The following KCNAB2 variants were observed in gnomAD, a reference collection of about 807,000 sequenced individuals.
The protein encoded by KCNAB2 is potassium voltage-gated channel subfamily A regulatory beta subunit 2.
Under a neutral mutation model 63.6 loss-of-function variants are expected in KCNAB2, and 29 were observed. The observed-to-expected ratio is 0.46, with a 90% confidence interval of 0.34 to 0.62. The LOEUF is 0.62. KCNAB2 is among the 20% of genes least tolerant of loss of function. The pLI is 0.01. For missense variants in KCNAB2, 359 were observed against 563.9 expected, an observed-to-expected ratio of 0.64 and a Z score of 3.68; for synonymous variants, 222 against 224.2, an observed-to-expected ratio of 0.99 and a Z score of 0.09.
chr1:6,004,126 A>G (rs997146313), intron 1 of KCNAB2, among the ~76,000 whole-genome samples: 2 of 152,214 alleles, frequency 1.3e-5, no homozygotes, highest in African/African-American at 2.4e-5. Context: ...GAGCAGAAGC[A>G]GGGCTGGGGC....
intron 1 of KCNAB2, among the ~76,000 whole-genome samples, chr1:6,019,845 T>C (rs935267092): frequency 3.3e-5 from 5 of 152,222 alleles, no homozygotes; most frequent in Admixed American, 3.3e-4. Flanking sequence ...GGGTGAGCTA[T>C]GGCAGGTGTC....
rs1480476608 is a variant in KCNAB2, at chr1:6,099,950, A to G, written c.*1376A>G. 25 of 1,550,220 alleles carry G rather than the reference A, an allele frequency of 1.6e-5. No homozygotes were observed. Among genetic ancestry groups the G allele is most frequent in the Non-Finnish European group, 2.2e-5 (25 of 1,146,880 alleles). On this transcript the variant is annotated 3_prime_UTR_variant, in exon 16 of 16. Coordinates refer to ENST00000378083, the MANE Select transcript of KCNAB2 (RefSeq NM_001199862.2). ...ACAGGCCCAGGCCTGTGTCCCAAGCAGTACCCAGGCTTTGCAGACCACGCG... is the reference window on the plus strand; with the variant it reads ...ACAGGCCCAGGCCTGTGTCCCAAGCGGTACCCAGGCTTTGCAGACCACGCG...
chr1:6,048,306 T>C (rs1013822350), intron 1 of KCNAB2, among the ~76,000 whole-genome samples: 8 of 152,198 alleles, frequency 5.3e-5, no homozygotes, highest in Admixed American at 2.0e-4. Flanking sequence ...TGGTGTCTTA[T>C]CCCACGCCCC....
chr1:6,017,800 A>C (rs1658598745), intron 1 of KCNAB2, among the ~76,000 whole-genome samples: 1 of 151,996 alleles, frequency 6.6e-6, no homozygotes, highest in African/African-American at 2.4e-5. Context: ...AAAAAAAAAA[A>C]AAACTTGGCC....
upstream of KCNAB2, among the ~76,000 whole-genome samples, chr1:6,031,416 A>G (rs1659616168): frequency 6.6e-6 from 1 of 152,198 alleles, no homozygotes; most frequent in Non-Finnish European, 1.5e-5. The surrounding 1 kb of genome is among the most constrained non-coding windows in gnomAD (Gnocchi z 4.1). Context: ...TCCAACAGAG[A>G]AATTGTGGTC....
intron 1 of KCNAB2, chr1:6,026,239 A>G (rs2100356003): frequency 6.6e-6 from 1 of 152,364 alleles, no homozygotes; most frequent in African/African-American, 2.4e-5. Context: ...CTGAGAGCAA[A>G]GGCCACGCCC....
At chr1:6,012,266 G>A (rs530651084) in intron 1 of KCNAB2, among the ~76,000 whole-genome samples, 1 of 143,162 alleles carries the variant, frequency 7.0e-6, no homozygotes, top group African/African-American at 2.6e-5. Flanking sequence ...GGGTGGAGGT[G>A]GAGATGGAGG....
rs1019946243 is a variant in KCNAB2 at position 6,097,562 on chromosome 1, ATG to A, written c.1158+211_1158+212del. The A allele has an allele frequency of 1.1e-5, 10 of 912,006 alleles. No individual in the cohort carries two copies. In the African/African-American group the frequency reaches 1.6e-4, roughly 15 times the overall value. The allele number at this position is 912,006 out of a possible 1,614,324, so 56.5% of individuals were successfully genotyped here. A position where few individuals can be genotyped will look rare whatever the true frequency, so the allele number is the denominator to read the frequency against. On this transcript the variant is annotated intron_variant, in intron 15 of 15. Transcript: ENST00000378083. Reference sequence around the variant, plus strand: ...AACTGCACGAAACAAGGAGGTTAGAATGTGTGTCAGGGTGGACGAGCGCTGTA... The same window carrying A: ...AACTGCACGAAACAAGGAGGTTAGAATGTGTCAGGGTGGACGAGCGCTGTA...
At chr1:5,998,661 C>T (rs1043958098) in intron 1 of KCNAB2, among the ~76,000 whole-genome samples, 2 of 152,212 alleles carry the variant, frequency 1.3e-5, no homozygotes, top group African/African-American at 4.8e-5. Flanking sequence ...CAGGTATCTG[C>T]TGCATCCGGT....
chr1:6,096,769 T>C lies in KCNAB2; in HGVS notation c.1069+13T>C. ...CAGCTGGCCATAGGTAACGGTGGGGTCGCCATGGGGCCAGTGCCCCTGGGG... is the reference window on the plus strand; with the variant it reads ...CAGCTGGCCATAGGTAACGGTGGGGCCGCCATGGGGCCAGTGCCCCTGGGG... On this transcript the variant is annotated intron_variant, in intron 14 of 15. Coordinates refer to ENST00000378083, the MANE Select transcript of KCNAB2 (RefSeq NM_001199862.2). The surrounding 1 kb of genome is among the most constrained non-coding windows in gnomAD (Gnocchi z 5.9). The C allele has an allele frequency of 6.4e-7, 1 of 1,560,744 alleles. No individual in the cohort carries two copies. Among genetic ancestry groups the C allele is most frequent in the South Asian group, 1.2e-5 (1 of 85,272 alleles).
Position 6,096,170 on chromosome 1 carries a change from G to A in KCNAB2, c.949-466G>A, listed in dbSNP as rs770632598. 2.2e-6 allele frequency: 1 copy of A among 457,682 alleles called. No homozygotes were observed. Among genetic ancestry groups the A allele is most frequent in the South Asian group, 1.5e-5 (1 of 64,558 alleles). 28.4% of individuals were successfully genotyped at this position (457,682 alleles called of 1,614,324 possible). A position where few individuals can be genotyped will look rare whatever the true frequency, so the allele number is the denominator to read the frequency against. ...ACAGCCCTGGGTTCCAGGGCAACGT[G>A]GCCTGGCCCCCGACTCCTCCCATCC... On this transcript the variant is annotated intron_variant, in intron 13 of 15. Transcript: ENST00000378083. The surrounding 1 kb of genome is among the most constrained non-coding windows in gnomAD (Gnocchi z 5.9).
chr1:6,100,816 A>G lies in KCNAB2; in HGVS notation c.*2242A>G, dbSNP rs1056860. ...GGGCCAGGTCCCCCCTCTCGGGAGG[A>G]GGTATTGGGTAGGACCATCCAAGAA... On this transcript the variant is annotated 3_prime_UTR_variant, in exon 16 of 16. Coordinates refer to ENST00000378083, the MANE Select transcript of KCNAB2 (RefSeq NM_001199862.2). 117,939 of 152,162 alleles carry G rather than the reference A, an allele frequency of 0.78. 45,954 individuals are homozygous for G. The highest frequency in any genetic ancestry group is 0.99 in the East Asian group (5,085 of 5,146). 9.4% of individuals were successfully genotyped at this position (152,162 alleles called of 1,614,324 possible).
chr1:6,041,712 G>A (rs568252843), upstream of KCNAB2: 48 of 853,596 alleles, frequency 5.6e-5, no homozygotes, highest in Middle Eastern at 2.2e-4. Context: ...GTGGGGGCCC[G>A]GGGGCATGGG....
intron 1 of KCNAB2, 23 bp from the exon 2 acceptor site, chr1:6,051,488 C>CT (rs1336647894): frequency 6.8e-7 from 1 of 1,473,628 alleles, no homozygotes; most frequent in East Asian, 2.5e-5. Context: ...GGCACACTGT[C>CT]TAACTCATCA....
chr1:6,062,378 G>A (rs2100597835), intron 2 of KCNAB2, among the ~76,000 whole-genome samples: 1 of 152,158 alleles, frequency 6.6e-6, no homozygotes, highest in Non-Finnish European at 1.5e-5. Context: ...AGAACACAAT[G>A]TGAGCTAGGA....
chr1:6,046,135 T>C lies in KCNAB2; in HGVS notation c.-75T>C. On this transcript the variant is annotated 5_prime_UTR_variant, in exon 1 of 16. Coordinates refer to ENST00000378083, the MANE Select transcript of KCNAB2 (RefSeq NM_001199862.2). ...CCTTAGAGTGTCTGGTGATCCCTAA[T>C]AAACCAGACTGTGGCCTTTTTAACG... 2.0e-6 allele frequency: 2 copies of C among 985,352 alleles called. No individual in the cohort carries two copies. The highest frequency in any genetic ancestry group is 2.4e-6 in the Non-Finnish European group (2 of 829,912). 61.0% of individuals were successfully genotyped at this position (985,352 alleles called of 1,614,324 possible).
rs924648964 is a variant in KCNAB2, at chr1:6,040,505, C to G, written c.-52-12C>G. On this transcript the variant is annotated splice_polypyrimidine_tract_variant and intron_variant, in intron 1 of 15. Coordinates refer to the KCNAB2 transcript ENST00000164247. Reference sequence around the variant, plus strand: ...CACCCTCTTCCCCTCCCTTATTTTGCTTTTCTTCCAGAATTTTCCCACTGT... The same window carrying G: ...CACCCTCTTCCCCTCCCTTATTTTGGTTTTCTTCCAGAATTTTCCCACTGT... The G allele has an allele frequency of 7.4e-5, 106 of 1,441,144 alleles. 1 individual carries two copies. The highest frequency in any genetic ancestry group is 1.8e-4 in the Admixed American group (11 of 59,580). The allele number at this position is 1,441,144 out of a possible 1,614,324, so 89.3% of individuals were successfully genotyped here.
chr1:6,027,122 C>G (rs978955877), intron 1 of KCNAB2, among the ~76,000 whole-genome samples: 1 of 152,196 alleles, frequency 6.6e-6, no homozygotes, highest in Non-Finnish European at 1.5e-5. Context: ...TGGCTTCCTG[C>G]GTCCCCTCTC....
intron 2 of KCNAB2, among the ~76,000 whole-genome samples, chr1:6,065,301 G>A (rs939890098): frequency 6.6e-6 from 1 of 152,256 alleles, no homozygotes; most frequent in Admixed American, 6.5e-5. Context: ...GCCCGGAGCA[G>A]CCAGCGATGG....
Sources: gnomAD v4.1 joint callset for allele counts (sites outside exome capture counted in the v4.1 genomes callset) on GRCh38, gnomAD v4.1.1 for gene constraint, Gnocchi (gnomAD v3.1) non-coding constraint, MANE v1.5 for transcripts, NCBI Gene and HGNC (gene_info 2026-07-23, HGNC 2026-07-21) for gene names.